Variants in GSPT1 observed in about 807,000 individuals in gnomAD.
GSPT1 encodes G1 to S phase transition 1, also known as eukaryotic peptide chain release factor GTP-binding subunit ERF3A.
GSPT1 carries 20 observed loss-of-function variants against 72.5 expected under a neutral mutation model. The ratio of observed to expected loss-of-function variants is 0.28; its 90% CI spans 0.19 to 0.40. The LOEUF (loss-of-function observed/expected upper bound fraction) is 0.40. Ranked by LOEUF, GSPT1 falls within the 10% of genes least tolerant of loss-of-function variation. The pLI is 1.00. For synonymous variants in GSPT1, 334 were observed against 293.5 expected, an observed-to-expected ratio of 1.14 and a Z score of -1.41; for missense variants, 580 against 811.9, an observed-to-expected ratio of 0.71 and a Z score of 3.47.
chr16:11,889,329 CTTTT>C (rs902991145), intron 6 of GSPT1, among the ~76,000 whole-genome samples: 1 of 60,040 alleles, frequency 1.7e-5, no homozygotes, highest in Non-Finnish European at 3.0e-5. Context: ...CCCTCTTCTT[CTTTT>C]TTTTTTTTTT....
chr16:11,912,458 T>C (rs2054572738), intron 1 of GSPT1, among the ~76,000 whole-genome samples: 1 of 151,802 alleles, frequency 6.6e-6, no homozygotes, highest in Non-Finnish European at 1.5e-5. Context: ...AGTTCCACAA[T>C]ACAATCTGCT....
intron 1 of GSPT1, among the ~76,000 whole-genome samples, chr16:11,903,633 G>A (rs33629): frequency 0.32 from 47,990 of 152,092 alleles, 8,034 homozygotes; most frequent in East Asian, 0.6. Flanking sequence ...GGAGGCTGCA[G>A]TGAACCAAGA....
In GSPT1 at chr16:11,869,765, G is replaced by A. The variant is rs939122807; in HGVS notation, c.*3354C>T. 1.2e-4 allele frequency: 19 copies of A among 152,178 alleles called. No individual in the cohort carries two copies. The highest frequency in any genetic ancestry group is 4.1e-4 in the African/African-American group (17 of 41,452). 9.4% of individuals were successfully genotyped at this position (152,178 alleles called of 1,614,324 possible). On this transcript the variant is annotated 3_prime_UTR_variant, in exon 15 of 15. Coordinates refer to ENST00000434724, the MANE Select transcript of GSPT1 (RefSeq NM_002094.4). ...ATGTGTAATAGTCATCAAAGATCAC[G>A]GAGTAATTCCAGTCATTACTAGTGT... is the stretch of plus-strand genomic sequence containing the variant.
rs772803567 is a variant in GSPT1 at position 11,876,067 on chromosome 16, C to G, written c.1692+19G>C. On this transcript the variant is annotated intron_variant, in intron 13 of 14. Coordinates refer to ENST00000434724, the MANE Select transcript of GSPT1 (RefSeq NM_002094.4). Reference sequence around the variant, plus strand: ...AAAACAGTATTAAAACAGAAATAAACCAATTATCTTAAACTCACTGTTATT... The same window carrying G: ...AAAACAGTATTAAAACAGAAATAAAGCAATTATCTTAAACTCACTGTTATT... 4 of 1,534,314 alleles carry G rather than the reference C, an allele frequency of 2.6e-6. No individual in the cohort carries two copies. The African/African-American group carries it at 5.5e-5, about 21-fold the overall frequency.
chr16:11,883,985 A>G (rs2054156836), intron 10 of GSPT1, among the ~76,000 whole-genome samples: 1 of 152,066 alleles, frequency 6.6e-6, no homozygotes, highest in African/African-American at 2.4e-5. Flanking sequence ...GTACAAATTC[A>G]GGTTCTCCTG....
chr16:11,900,449 G>A (rs1161423658), intron 1 of GSPT1, among the ~76,000 whole-genome samples: 1 of 151,922 alleles, frequency 6.6e-6, no homozygotes, highest in Non-Finnish European at 1.5e-5. Context: ...GGGGATGGAG[G>A]GGGTAGCAAT....
chr16:11,902,913 C>A (rs2054433365), intron 1 of GSPT1, among the ~76,000 whole-genome samples: 1 of 151,772 alleles, frequency 6.6e-6, no homozygotes, highest in Non-Finnish European at 1.5e-5. Flanking sequence ...GATGGTGTTT[C>A]AATAGGTTCC....
In GSPT1 at chr16:11,896,559, T is replaced by A; in HGVS notation, c.663A>T (p.Val221=). ...TTAATTGCTATGAGAGCAGCTTACC[T>A]ACGTGCCCAATGAATACTACATTTA... ...EHVNVVFIGH[V]DAGKSTIGGQ... is the part of the protein sequence containing the mutation. The change falls in exon 4 of 15, where the codon GTA becomes GTT. Residue 221 remains valine, a splice_region_variant and synonymous_variant. Coordinates refer to ENST00000434724, the MANE Select transcript of GSPT1 (RefSeq NM_002094.4). 6.4e-7 allele frequency: 1 copy of A among 1,554,556 alleles called. No homozygotes were observed.
Position 11,883,158 on chromosome 16 carries a change from C to T in GSPT1, c.1348-63G>A. The T allele has an allele frequency of 3.1e-6, 3 of 977,050 alleles. No individual in the cohort carries two copies. The African/African-American group carries it at 4.8e-5, about 16-fold the overall frequency. The allele number at this position is 977,050 out of a possible 1,614,324, so 60.5% of individuals were successfully genotyped here. ...TTGGTGCTGTATAACAGCTCAATAG[C>T]CCAAAGTGAAATTCTACACTGCTTA... is the stretch of plus-strand genomic sequence containing the variant. On this transcript the variant is annotated intron_variant, in intron 10 of 14. Transcript: ENST00000434724.
At chr16:11,898,135 C>T (rs913771207) in intron 1 of GSPT1, 100 bp from the exon 2 acceptor site, 2 of 745,328 alleles carry the variant, frequency 2.7e-6, no homozygotes, top group African/African-American at 3.5e-5. Context: ...TAACACGACA[C>T]AAGCCTCAAT....
chr16:11,884,668 G>A (rs573314959), intron 10 of GSPT1, among the ~76,000 whole-genome samples: 28 of 151,966 alleles, frequency 1.8e-4, no homozygotes, highest in African/African-American at 6.5e-4. Context: ...GGAGGCTGAG[G>A]CTGGAGAATC....
intron 8 of GSPT1, 59 bp from the exon 9 acceptor site, chr16:11,886,670 T>G: frequency 6.4e-7 from 1 of 1,557,974 alleles, no homozygotes; most frequent in South Asian, 1.1e-5. Context: ...AACTCTAGTT[T>G]CCTAAGTAAA....
intron 11 of GSPT1, among the ~76,000 whole-genome samples, chr16:11,879,738 CAAA>C (rs1195456490): frequency 1.2e-5 from 1 of 84,322 alleles, no homozygotes; most frequent in African/African-American, 4.0e-5. Context: ...GACTCCGTCT[CAAA>C]AAAAAAAAAA....
At position 11,879,846 on chromosome 16, in the gene GSPT1, A is replaced by C. The variant is rs187648179; in HGVS notation, c.1429-2266T>G. Reference sequence around the variant, plus strand: ...AACCAATTTTTAATTTAACCCATTAATTACTTACTGTGGTAAAATACATGT... The same window carrying C: ...AACCAATTTTTAATTTAACCCATTACTTACTTACTGTGGTAAAATACATGT... On this transcript the variant is annotated intron_variant, in intron 11 of 14. Coordinates refer to ENST00000434724, the MANE Select transcript of GSPT1 (RefSeq NM_002094.4). 5.1e-4 allele frequency among the ~76,000 whole-genome samples: 78 copies of C among 152,340 alleles called. 1 individual carries two copies. The East Asian group carries it at 0.013, about 26-fold the overall frequency.
intron 1 of GSPT1, among the ~76,000 whole-genome samples, chr16:11,904,795 T>C (rs992597494): frequency 2.6e-5 from 4 of 152,338 alleles, no homozygotes; most frequent in Admixed American, 6.5e-5. Flanking sequence ...GATACAAAAC[T>C]AATCTTCAAG....
intron 1 of GSPT1, among the ~76,000 whole-genome samples, chr16:11,914,628 G>C (rs142071793): frequency 9.2e-4 from 140 of 152,306 alleles, no homozygotes; most frequent in African/African-American, 3.2e-3. Flanking sequence ...TTCTCTAAAC[G>C]TGTCGCTGAC....
chr16:11,881,584 G>T (rs138709544), intron 11 of GSPT1: 1 of 146,744 alleles, frequency 6.8e-6, no homozygotes, highest in African/African-American at 2.5e-5. Flanking sequence ...TCCTACACCC[G>T]TTAAGCAGTC....
At chr16:11,899,395 T>C in intron 1 of GSPT1, among the ~76,000 whole-genome samples, 1 of 151,892 alleles carries the variant, frequency 6.6e-6, no homozygotes, top group East Asian at 1.9e-4. Flanking sequence ...CAGCTTAAAC[T>C]ACATGAACTA....
Position 11,872,325 on chromosome 16 carries a change from CTTTTA to C in GSPT1, c.*789_*793del, listed in dbSNP as rs1377319919. On this transcript the variant is annotated 3_prime_UTR_variant, in exon 15 of 15. Coordinates refer to ENST00000434724, the MANE Select transcript of GSPT1 (RefSeq NM_002094.4). ...CTTATAAAAACTACAGTATGCTGTT[CTTTTA>C]TTTTAAAACAACTTACTGTGTTCAA... 1.3e-5 allele frequency: 2 copies of C among 149,920 alleles called. No individual in the cohort carries two copies. The highest frequency in any genetic ancestry group is 3.0e-5 in the Non-Finnish European group (2 of 67,684). 9.3% of individuals were successfully genotyped at this position (149,920 alleles called of 1,614,324 possible).
Sources: allele counts gnomAD v4.1 joint callset (sites outside exome capture counted in the v4.1 genomes callset), GRCh38; gene constraint gnomAD v4.1.1; transcripts MANE v1.5; gene names NCBI Gene and HGNC (gene_info 2026-07-23, HGNC 2026-07-21).